Variants in COL4A6 observed in about 807,000 individuals in gnomAD.
COL4A6 encodes the protein collagen type IV alpha 6 chain.
In COL4A6, 59 loss-of-function variants were observed where a neutral mutation model predicts 126.7. The observed-to-expected ratio is 0.47, with a 90% CI of 0.38 to 0.58. The LOEUF is 0.58. COL4A6 is among the 20% of genes least tolerant of loss of function. COL4A6 has a pLI of 0.00. For missense variants in COL4A6, 1,285 were observed against 1,337.3 expected (o/e 0.96, Z 0.61); for synonymous variants, 547 against 496.6 (o/e 1.10, Z -1.35).
rs896111053 is a variant in COL4A6 at position 108,164,898 on chromosome X, G to A, written c.3949C>T (p.Pro1317Ser). 1.4e-5 allele frequency: 17 copies of A among 1,203,995 alleles called. No homozygotes were observed. Among genetic ancestry groups the A allele is most frequent in the Non-Finnish European group, 1.9e-5 (17 of 892,119 alleles). ...GTACCTTTCAGTCCTAGCTCTCCAGGGAGGCCAGAAAAACCTGGAATTCCT... is the reference window on the plus strand; with the variant it reads ...GTACCTTTCAGTCCTAGCTCTCCAGAGAGGCCAGAAAAACCTGGAATTCCT... ...DQGIPGFSGL[P>S]GELGLKGMRG... is the part of the protein sequence containing the mutation. The change falls in exon 39 of 45, where the codon CCT becomes TCT. Residue 1317 changes from proline to serine, a missense_variant. By Grantham distance (74) the Pro-to-Ser change is moderately conservative. Transcript: ENST00000334504.
At chrX:108,160,761 C>T in intron 42 of COL4A6, 107 bp from the exon 43 acceptor site, 1 of 711,143 alleles carries the variant, frequency 1.4e-6, no homozygotes, top group Non-Finnish European at 2.0e-6. Context: ...CATGTATTAT[C>T]TCACTCAATC....
rs771722207 is a variant in COL4A6, at chrX:108,192,512, G to A, written c.1141C>T (p.Arg381Cys). 2.9e-5 allele frequency: 35 copies of A among 1,208,055 alleles called. No homozygotes were observed. In the South Asian group the frequency reaches 4.5e-4, roughly 15 times the overall value. ...LKGDEGIQGL[R>C]GPSGVPGLPA... ...AATCCAGGGACACCAGAAGGGCCAC[G>A]TAGGCCTTGGATGCCTTCATCTCCT... The change falls in exon 18 of 45, where the codon CGT becomes TGT. Residue 381 changes from arginine to cysteine, a missense_variant. Coordinates refer to ENST00000334504, the MANE Select transcript of COL4A6 (RefSeq NM_033641.4).
At chrX:108,221,037 G>T (rs1242452508) in intron 4 of COL4A6, 2 of 496,264 alleles carry the variant, frequency 4.0e-6, no homozygotes, top group African/African-American at 4.6e-5. Flanking sequence ...AGCAGAGGTT[G>T]CAGTGAGCCG....
intron 37 of COL4A6, among the ~76,000 whole-genome samples, chrX:108,166,353 C>G (rs1210051364): frequency 8.9e-6 from 1 of 112,177 alleles, no homozygotes; most frequent in Non-Finnish European, 1.9e-5. Context: ...ATACATGTAG[C>G]ATGGAAGATA....
intron 3 of COL4A6, among the ~76,000 whole-genome samples, chrX:108,292,014 A>G (rs1377599164): frequency 8.9e-6 from 1 of 111,894 alleles, no homozygotes; most frequent in Non-Finnish European, 1.9e-5. Context: ...TGCCCAATAT[A>G]AGGCATACAA....
At chrX:108,203,018 G>A (rs778467958) in intron 12 of COL4A6, 37 bp from the exon 13 acceptor site, 1 of 1,136,691 alleles carries the variant, frequency 8.8e-7, no homozygotes, top group East Asian at 3.0e-5. Context: ...GTAGCATCAG[G>A]AAGCAGTGAA....
chrX:108,336,159 G>T (rs1205765104), intron 2 of COL4A6, among the ~76,000 whole-genome samples: 1 of 111,649 alleles, frequency 9.0e-6, no homozygotes, highest in African/African-American at 3.2e-5. Context: ...GAAAACAAGT[G>T]TCCAAACAAA....
At chrX:108,290,219 A>T (rs1339634712) in intron 3 of COL4A6, among the ~76,000 whole-genome samples, 1 of 112,168 alleles carries the variant, frequency 8.9e-6, no homozygotes, top group African/African-American at 3.2e-5. Context: ...GGAAGAAGGA[A>T]GTTTACTGTA....
chrX:108,205,752 AAC>A, intron 9 of COL4A6, 57 bp from the exon 10 acceptor site: 1 of 1,034,878 alleles, frequency 9.7e-7, no homozygotes, highest in South Asian at 2.0e-5. Flanking sequence ...AGTCAAAAAG[AAC>A]ACGGCATGTT....
rs1305059946 is a variant in COL4A6 at position 108,252,969 on chromosome X, C to A, written c.145-31595G>T. 4.5e-5 allele frequency among the ~76,000 whole-genome samples: 5 copies of A among 111,297 alleles called. No homozygotes were observed. In the Admixed American group the frequency reaches 4.8e-4, roughly 11 times the overall value. On this transcript the variant is annotated intron_variant, in intron 3 of 44. Transcript: ENST00000334504. ...ATCCATTCATAAAAATAAACGTGAA[C>A]AAATTAGGTATAGAAGGAATGTACC...
chrX:108,187,064 C>A, intron 23 of COL4A6, 32 bp downstream of exon 23: 2 of 1,082,953 alleles, frequency 1.8e-6, no homozygotes, highest in South Asian at 2.8e-5. Flanking sequence ...GTCAAATTTC[C>A]AAGTCCAAAG....
upstream of COL4A6, chrX:108,438,488 C>G (rs183080415): frequency 2.3e-4 from 227 of 985,667 alleles, 1 homozygote; most frequent in East Asian, 8.7e-3. Flanking sequence ...TGTCAATCAT[C>G]CCCCCTACCT....
In COL4A6 at chrX:108,255,973, A is replaced by G. The variant is rs901339878; in HGVS notation, c.145-34599T>C. On this transcript the variant is annotated intron_variant, in intron 3 of 44. Coordinates refer to ENST00000334504, the MANE Select transcript of COL4A6 (RefSeq NM_033641.4). Reference sequence around the variant, plus strand: ...CGTAAAGTATACTAGCCAGGGAGACAGGAGACCTAGTCTCAGCTCTACCAC... The same window carrying G: ...CGTAAAGTATACTAGCCAGGGAGACGGGAGACCTAGTCTCAGCTCTACCAC... 6.3e-5 allele frequency among the ~76,000 whole-genome samples: 7 copies of G among 111,192 alleles called. No homozygotes were observed. The East Asian group carries it at 1.4e-3, about 23-fold the overall frequency.
At chrX:108,364,237 G>A (rs2148073695) in intron 2 of COL4A6, among the ~76,000 whole-genome samples, 1 of 109,919 alleles carries the variant, frequency 9.1e-6, no homozygotes, top group Non-Finnish European at 1.9e-5. Context: ...ACAACCTTGA[G>A]AAGAACCTTT....
At chrX:108,178,235 A>C (rs2034559253) in intron 27 of COL4A6, among the ~76,000 whole-genome samples, 1 of 112,451 alleles carries the variant, frequency 8.9e-6, no homozygotes, top group African/African-American at 3.2e-5. Flanking sequence ...AGTAAAAGAC[A>C]CTTGGCCATG....
chrX:108,168,716 C>G (rs1017056475), intron 37 of COL4A6, among the ~76,000 whole-genome samples: 6 of 111,806 alleles, frequency 5.4e-5, no homozygotes, highest in Non-Finnish European at 9.4e-5. Flanking sequence ...GATTGAGGAA[C>G]AAGTAACTTC....
At chrX:108,198,151 T>C (rs1195615635) in intron 13 of COL4A6, among the ~76,000 whole-genome samples, 2 of 111,582 alleles carry the variant, frequency 1.8e-5, no homozygotes, top group African/African-American at 6.5e-5. Context: ...ATGAGACCTA[T>C]ATTACACTCT....
chrX:108,253,209 T>G (rs1175811400), intron 3 of COL4A6, among the ~76,000 whole-genome samples: 1 of 111,478 alleles, frequency 9.0e-6, no homozygotes, highest in Non-Finnish European at 1.9e-5. Context: ...GAAGTCAAAT[T>G]ATCCCTATTT....
At chrX:108,292,466 T>C (rs1432013810) in intron 3 of COL4A6, among the ~76,000 whole-genome samples, 1 of 112,059 alleles carries the variant, frequency 8.9e-6, no homozygotes, top group Non-Finnish European at 1.9e-5. Flanking sequence ...TTTCCTTTAT[T>C]AGGAGTTTAT....
Sources: gnomAD v4.1 joint callset for allele counts (sites outside exome capture counted in the v4.1 genomes callset) on GRCh38, gnomAD v4.1.1 for gene constraint, MANE v1.5 for transcripts, NCBI Gene and HGNC (gene_info 2026-07-23, HGNC 2026-07-21) for gene names.